The following TRAF7 variants were observed in gnomAD, a reference collection of about 807,000 sequenced individuals.
The protein encoded by TRAF7 is TNF receptor associated factor 7, also known as E3 ubiquitin-protein ligase TRAF7.
TRAF7 carries 45 observed loss-of-function variants against 89.3 expected under a neutral mutation model. That is an observed-to-expected ratio of 0.50 (90% CI 0.40 to 0.65). The LOEUF is 0.65. Ranked by LOEUF, TRAF7 falls within the 30% of genes least tolerant of loss-of-function variation. The pLI is 0.00. For synonymous variants in TRAF7, 406 were observed against 369.2 expected (o/e 1.10, Z -1.14); for missense variants, 677 against 918.1 (o/e 0.74, Z 3.39).
At position 2,177,984 on chromosome 16, in the gene TRAF7, G is replaced by C. The variant is rs145672192; in HGVS notation, c.*1410G>C. The stretch of plus-strand genomic sequence containing the variant: ...CAGCTTTTGTCCGGAGCTAGACTTC[G>C]TGTCCTTTCAGTTGGTAAATGGTTT... On this transcript the variant is annotated 3_prime_UTR_variant, in exon 21 of 21. Coordinates refer to ENST00000326181, the MANE Select transcript of TRAF7 (RefSeq NM_032271.3). The C allele has an allele frequency of 7.2e-3, 2,806 of 387,330 alleles. 18 individuals are homozygous for C. The highest frequency in any genetic ancestry group is 0.012 in the Non-Finnish European group (2,381 of 206,034). The allele number at this position is 387,330 out of a possible 1,614,324, so 24.0% of individuals were successfully genotyped here.
chr16:2,165,329 C>T (rs1368348866), intron 2 of TRAF7, among the ~76,000 whole-genome samples: 9 of 138,232 alleles, frequency 6.5e-5, no homozygotes, highest in African/African-American at 1.1e-4. Context: ...TGCTGTGTGG[C>T]GCGGCCTGGT....
chr16:2,176,705 G>C lies in TRAF7; in HGVS notation c.*131G>C, dbSNP rs2093138426. ...TAGGTGGACAGGCTCTGGCAGCCGG[G>C]CAGTGCCCTCCCCGTCCCATGCTCG... is the stretch of plus-strand genomic sequence containing the variant. On this transcript the variant is annotated 3_prime_UTR_variant, in exon 21 of 21. Transcript: ENST00000326181. The C allele has an allele frequency of 7.3e-7, 1 of 1,360,600 alleles. No homozygotes were observed. Among genetic ancestry groups the C allele is most frequent in the Admixed American group, 1.9e-5 (1 of 53,258 alleles). 84.3% of individuals were successfully genotyped at this position (1,360,600 alleles called of 1,614,324 possible).
At position 2,163,432 on chromosome 16, in the gene TRAF7, CATT is replaced by C. The variant is rs2141269983; in HGVS notation, c.-38-450_-38-448del. ...ACCGCACCTGTCGTGGCAGGAAACA[CATT>C]CGTCGTGCCTTGGCTGGTCCCTGTG... is the stretch of plus-strand genomic sequence containing the variant. On this transcript the variant is annotated intron_variant, in intron 1 of 20. Transcript: ENST00000326181. This position sits in a 1 kb window ranked among gnomAD's most constrained non-coding sequence, Gnocchi z 4.3. 5.6e-6 allele frequency: 1 copy of C among 179,176 alleles called. No homozygotes were observed. The highest frequency in any genetic ancestry group is 2.4e-5 in the African/African-American group (1 of 41,752). The allele number at this position is 179,176 out of a possible 1,614,324, so 11.1% of individuals were successfully genotyped here. A position where few individuals can be genotyped will look rare whatever the true frequency, so the allele number is the denominator to read the frequency against.
chr16:2,170,852 C>T (rs1048409978), intron 5 of TRAF7, 122 bp downstream of exon 5: 31 of 946,820 alleles, frequency 3.3e-5, no homozygotes, highest in Middle Eastern at 3.1e-4. Context: ...TGGGGCCTGA[C>T]GGGAACTGCA....
chr16:2,174,958 A>G (rs914865547), intron 14 of TRAF7, among the ~76,000 whole-genome samples, 153 bp from the exon 15 acceptor site: 7 of 152,170 alleles, frequency 4.6e-5, no homozygotes, highest in African/African-American at 1.7e-4. Flanking sequence ...TGGAGACTGG[A>G]AAATAGGCTG....
rs542217504 is a variant in TRAF7 at position 2,175,586 on chromosome 16, G to C, written c.1590G>C (p.Gln530His). The change falls in exon 17 of 21, where the codon CAG becomes CAC. Residue 530 changes from glutamine to histidine, a missense_variant. Around this residue, in one of 6 missense-constraint regions of TRAF7, gnomAD observed 160 missense variants for 263.7 expected, o/e 0.61. Coordinates refer to ENST00000326181, the MANE Select transcript of TRAF7 (RefSeq NM_032271.3). The part of the protein sequence containing the change: ...NHWVRALVAA[Q>H]SYLYSGSYQT... ...GGGTGCGGGCCCTGGTGGCTGCCCA[G>C]AGCTACCTGTACAGCGGCTCCTACC... 6.2e-7 allele frequency: 1 copy of C among 1,612,798 alleles called. No homozygotes were observed. The highest frequency in any genetic ancestry group is 1.3e-5 in the African/African-American group (1 of 75,026).
In TRAF7 at chr16:2,158,060, A is replaced by T. The variant is rs940307887; in HGVS notation, c.-39+2202A>T. On this transcript the variant is annotated intron_variant, in intron 1 of 20. Coordinates refer to ENST00000326181, the MANE Select transcript of TRAF7 (RefSeq NM_032271.3). The surrounding 1 kb of genome is among the most constrained non-coding windows in gnomAD (Gnocchi z 4.7). ...AGTGGTAGAAGTGGACTTTGAACCC[A>T]GCTCTGTCTGAGCCCAGTGCCTGTG... Among the ~76,000 whole-genome samples the T allele has an allele frequency of 6.6e-6, 1 of 152,110 alleles. No homozygotes were observed.
intron 1 of TRAF7, among the ~76,000 whole-genome samples, chr16:2,156,427 G>A (rs1209212879): frequency 6.6e-6 from 1 of 152,200 alleles, no homozygotes; most frequent in Non-Finnish European, 1.5e-5. Context: ...CATCTAGACA[G>A]ACAGGGTGGT....
At chr16:2,169,801 C>CG (rs2093101026) in intron 4 of TRAF7, among the ~76,000 whole-genome samples, 1 of 152,226 alleles carries the variant, frequency 6.6e-6, no homozygotes, top group Admixed American at 6.5e-5. Flanking sequence ...CAATGCCCCC[C>CG]GCCGGCCTTG....
At position 2,161,562 on chromosome 16, in the gene TRAF7, C is replaced by T. The variant is rs2141267293; in HGVS notation, c.-38-2321C>T. On this transcript the variant is annotated intron_variant, in intron 1 of 20. Coordinates refer to ENST00000326181, the MANE Select transcript of TRAF7 (RefSeq NM_032271.3). This position sits in a 1 kb window ranked among gnomAD's most constrained non-coding sequence, Gnocchi z 5.2. ...GCAGGGCTTGCAGCTGGCCCTGGGG[C>T]CCCGGAAGCTTGCAGTACAGGGAGC... is the stretch of plus-strand genomic sequence containing the variant. 6.6e-6 allele frequency among the ~76,000 whole-genome samples: 1 copy of T among 152,242 alleles called. No individual in the cohort carries two copies. Among genetic ancestry groups the T allele is most frequent in the East Asian group, 1.9e-4 (1 of 5,162 alleles).
chr16:2,164,016 C>A lies in TRAF7; in HGVS notation c.81+15C>A. ...TCACCACAGGGGTAAGGGTGTGCCC[C>A]TCTGCAAGCCCAACATCCCCAGGAC... On this transcript the variant is annotated intron_variant, in intron 2 of 20. Transcript: ENST00000326181. 2 of 1,600,850 alleles carry A rather than the reference C, an allele frequency of 1.2e-6. No individual in the cohort carries two copies. The highest frequency in any genetic ancestry group is 8.5e-7 in the Non-Finnish European group (1 of 1,172,508).
Position 2,175,950 on chromosome 16 carries a change from C to T in TRAF7, c.1743C>T (p.Ile581=). ...HIVCGTYENL[I]HVWDIESKEQ... ...TCTGTGGCACCTACGAGAACCTCAT[C>T]CACGTAAGGCCTGGGCATCTGGGTG... Residue 581 remains isoleucine (I), a synonymous_variant, in exon 18 of 21, where the codon ATC becomes ATT. Coordinates refer to ENST00000326181, the MANE Select transcript of TRAF7 (RefSeq NM_032271.3). 6.2e-7 allele frequency: 1 copy of T among 1,613,236 alleles called. No homozygotes were observed. The highest frequency in any genetic ancestry group is 8.5e-7 in the Non-Finnish European group (1 of 1,179,956).
chr16:2,167,564 G>A (rs1217958891), intron 3 of TRAF7, among the ~76,000 whole-genome samples: 1 of 152,186 alleles, frequency 6.6e-6, no homozygotes, highest in Non-Finnish European at 1.5e-5. Context: ...GGGACACCAG[G>A]ATGCGGTCCT....
At position 2,158,776 on chromosome 16, in the gene TRAF7, G is replaced by GC. The variant is rs2093046420; in HGVS notation, c.-39+2918_-39+2919insC. Among the ~76,000 whole-genome samples, 1 of 151,250 alleles carries GC rather than the reference G, an allele frequency of 6.6e-6. No homozygotes were observed. The highest frequency in any genetic ancestry group is 2.4e-5 in the African/African-American group (1 of 41,184). The stretch of plus-strand genomic sequence containing the variant: ...GGGAAGCGTGGGCTCGGCGGGGGGG[G>GC]GGGGGACACTGCCACCCTTGGCTCT... On this transcript the variant is annotated intron_variant, in intron 1 of 20. Transcript: ENST00000326181. This position sits in a 1 kb window ranked among gnomAD's most constrained non-coding sequence, Gnocchi z 4.7.
chr16:2,159,802 G>T lies in TRAF7; in HGVS notation c.-39+3944G>T, dbSNP rs1350596737. Reference sequence around the variant, plus strand: ...GGACCCCCACACCCCACCTGCTCCGGGTTGCTGGAGGAGCTGCTTTAAGGC... The same window carrying T: ...GGACCCCCACACCCCACCTGCTCCGTGTTGCTGGAGGAGCTGCTTTAAGGC... On this transcript the variant is annotated intron_variant, in intron 1 of 20. Transcript: ENST00000326181. This position sits in a 1 kb window ranked among gnomAD's most constrained non-coding sequence, Gnocchi z 6.5. 2.6e-5 allele frequency among the ~76,000 whole-genome samples: 4 copies of T among 152,358 alleles called. No individual in the cohort carries two copies. The highest frequency in any genetic ancestry group is 2.1e-4 in the South Asian group (1 of 4,832).
chr16:2,172,606 G>A lies in TRAF7; in HGVS notation c.794+7G>A, dbSNP rs748206973. Reference sequence around the variant, plus strand: ...GCCCCCACTCCAAGTACGGGTGAGTGGGGGGCGGGCGGGGGTGGGCCGGGG... The same window carrying A: ...GCCCCCACTCCAAGTACGGGTGAGTAGGGGGCGGGCGGGGGTGGGCCGGGG... On this transcript the variant is annotated splice_region_variant and intron_variant, in intron 9 of 20. Transcript: ENST00000326181. 1 of 1,545,728 alleles carries A rather than the reference G, an allele frequency of 6.5e-7. No individual in the cohort carries two copies. The highest frequency in any genetic ancestry group is 1.4e-5 in the African/African-American group (1 of 72,932).
At chr16:2,170,858 C>A (rs2093106456) in intron 5 of TRAF7, 128 bp downstream of exon 5, 1 of 883,564 alleles carries the variant, frequency 1.1e-6, no homozygotes, top group East Asian at 2.6e-5. Context: ...CTGACGGGAA[C>A]TGCAGTGCTT....
At position 2,162,383 on chromosome 16, in the gene TRAF7, G is replaced by A. The variant is rs1485743024; in HGVS notation, c.-38-1500G>A. Among the ~76,000 whole-genome samples the A allele has an allele frequency of 1.3e-5, 2 of 152,136 alleles. No homozygotes were observed. The highest frequency in any genetic ancestry group is 4.8e-5 in the African/African-American group (2 of 41,458). On this transcript the variant is annotated intron_variant, in intron 1 of 20. Transcript: ENST00000326181. The surrounding 1 kb of genome is among the most constrained non-coding windows in gnomAD (Gnocchi z 5.0). The stretch of plus-strand genomic sequence containing the variant: ...CAGGCCAGACTGTGGGCACGGTGGT[G>A]GGTGATGAGTGGCATCTTGAAGGCG...
chr16:2,158,507 G>C lies in TRAF7; in HGVS notation c.-39+2649G>C, dbSNP rs1034013688. On this transcript the variant is annotated intron_variant, in intron 1 of 20. Coordinates refer to ENST00000326181, the MANE Select transcript of TRAF7 (RefSeq NM_032271.3). The surrounding 1 kb of genome is among the most constrained non-coding windows in gnomAD (Gnocchi z 4.7). ...GTGGGAAGTAGGGGGCAGCGACGCA[G>C]AGGGCCAGGACTGAGGGCCGTGGGA... 4.6e-5 allele frequency among the ~76,000 whole-genome samples: 7 copies of C among 152,234 alleles called. No individual in the cohort carries two copies. Among genetic ancestry groups the C allele is most frequent in the Admixed American group, 3.9e-4 (6 of 15,286 alleles).
Sources: gnomAD v4.1 joint callset for allele counts (sites outside exome capture counted in the v4.1 genomes callset) on GRCh38, gnomAD v4.1.1 for gene constraint, gnomAD v4.1.1 regional missense constraint, Gnocchi (gnomAD v3.1) non-coding constraint, MANE v1.5 for transcripts, NCBI Gene and HGNC (gene_info 2026-07-23, HGNC 2026-07-21) for gene names.